The following NARS1 variants were observed in gnomAD, a reference collection of about 807,000 sequenced individuals.
The protein encoded by NARS1 is asparaginyl-tRNA synthetase 1, also known as asparagine--tRNA ligase, cytoplasmic.
In NARS1, 65 loss-of-function variants were observed where a neutral mutation model predicts 79.2. The ratio of observed to expected loss-of-function variants is 0.82; its 90% CI spans 0.67 to 1.01. The LOEUF is 1.01. NARS1 is among the 50% of genes least tolerant of loss of function. NARS1 has a pLI of 0.00. For missense variants in NARS1, 649 were observed against 673.8 expected (o/e 0.96, Z 0.41); for synonymous variants, 229 against 238.8 (o/e 0.96, Z 0.38).
At chr18:57,619,867 T>C (rs1908230248) in intron 2 of NARS1, among the ~76,000 whole-genome samples, 1 of 152,066 alleles carries the variant, frequency 6.6e-6, no homozygotes, top group Non-Finnish European at 1.5e-5. Flanking sequence ...TTTATGTTTT[T>C]TGTAGAGCCA....
intron 7 of NARS1, among the ~76,000 whole-genome samples, 177 bp downstream of exon 7, chr18:57,609,180 T>C (rs2051585066): frequency 1.3e-5 from 2 of 152,256 alleles, no homozygotes; most frequent in South Asian, 4.1e-4. Context: ...GGACTTCATC[T>C]TGTGATCTTG....
In NARS1 at chr18:57,615,689, T is replaced by G. The variant is rs1269377916; in HGVS notation, c.294A>C (p.Ala98=). The G allele has an allele frequency of 3.1e-6, 5 of 1,613,204 alleles. No homozygotes were observed. Among genetic ancestry groups the G allele is most frequent in the Non-Finnish European group, 4.2e-6 (5 of 1,179,742 alleles). ...GATCATTTTTAATGGTAATCTTCTT[T>G]GCTTCTTCCAGGTTCTTTTCTCTTC... ...SLRREKNLEE[A]KKITIKNDPS... is the part of the protein sequence containing the mutation. The change falls in exon 4 of 14, where the codon GCA becomes GCC. Residue 98 remains alanine (A), a synonymous_variant. Transcript: ENST00000256854.
intron 10 of NARS1, among the ~76,000 whole-genome samples, 179 bp from the exon 11 acceptor site, chr18:57,606,149 G>A (rs1265814863): frequency 6.6e-6 from 1 of 151,936 alleles, no homozygotes; most frequent in East Asian, 1.9e-4. Context: ...AGGAGTTTGG[G>A]ACCAGCCTGG....
Position 57,615,037 on chromosome 18 carries a change from C to T in NARS1, c.342+604G>A, listed in dbSNP as rs146722519. ...AAATTAAAAATAAATAAAAGTTAGCCAGGTGTGGTGGTGCATGCCTGTGGT... is the reference window on the plus strand; with the variant it reads ...AAATTAAAAATAAATAAAAGTTAGCTAGGTGTGGTGGTGCATGCCTGTGGT... On this transcript the variant is annotated intron_variant, in intron 4 of 13. Coordinates refer to ENST00000256854, the MANE Select transcript of NARS1 (RefSeq NM_004539.4). Among the ~76,000 whole-genome samples, 1,312 of 151,970 alleles carry T rather than the reference C, an allele frequency of 8.6e-3. 15 individuals carry two copies. The highest frequency in any genetic ancestry group is 0.03 in the African/African-American group (1,247 of 41,464).
intron 11 of NARS1, among the ~76,000 whole-genome samples, chr18:57,603,339 G>A (rs1020137447): frequency 2.6e-5 from 4 of 151,698 alleles, no homozygotes; most frequent in Non-Finnish European, 4.4e-5. Flanking sequence ...TAAGGCATAC[G>A]GTAATCATGA....
chr18:57,621,780 TC>T lies in NARS1; in HGVS notation c.-64del, dbSNP rs1908316482. ...TGCAACACCGACGCCGTCTTATGACTCCAACGTGCACCGGCGGTTTCCGCGA... is the reference window on the plus strand; with the variant it reads ...TGCAACACCGACGCCGTCTTATGACTCAACGTGCACCGGCGGTTTCCGCGA... On this transcript the variant is annotated 5_prime_UTR_variant, in exon 1 of 14. An upstream open reading frame in the 5' UTR loses its in-frame stop. Coordinates refer to ENST00000256854, the MANE Select transcript of NARS1 (RefSeq NM_004539.4). The T allele has an allele frequency of 6.2e-7, 1 of 1,612,272 alleles. No individual in the cohort carries two copies. Among genetic ancestry groups the T allele is most frequent in the Non-Finnish European group, 8.5e-7 (1 of 1,179,654 alleles).
chr18:57,615,705 T>C lies in NARS1; in HGVS notation c.278A>G (p.Lys93Arg). The change falls in exon 4 of 14, where the codon AAG becomes AGG. Residue 93 changes from lysine (K) to arginine (R), a missense_variant. Transcript: ENST00000256854. The stretch of plus-strand genomic sequence containing the variant: ...AATCTTCTTTGCTTCTTCCAGGTTC[T>C]TTTCTCTTCGTAAACTATCTTCTGC... Reference protein sequence around the residue: ...KEAEDSLRREKNLEEAKKITI... With the variant: ...KEAEDSLRRERNLEEAKKITI... 1 of 1,613,086 alleles carries C rather than the reference T, an allele frequency of 6.2e-7. No homozygotes were observed. Among genetic ancestry groups the C allele is most frequent in the Non-Finnish European group, 8.5e-7 (1 of 1,179,666 alleles).
chr18:57,612,129 C>T (rs1193509384), intron 5 of NARS1, among the ~76,000 whole-genome samples: 3 of 152,102 alleles, frequency 2.0e-5, no homozygotes, highest in Admixed American at 2.0e-4. Context: ...GGCTCCCTGC[C>T]CCTGAAGTAC....
chr18:57,603,688 T>C (rs971506328), intron 11 of NARS1, among the ~76,000 whole-genome samples: 3 of 152,166 alleles, frequency 2.0e-5, no homozygotes, highest in Non-Finnish European at 2.9e-5. Context: ...ACTCATAGAT[T>C]TGTTTAATGA....
At chr18:57,621,563 T>TTCCCCCCCCCCC in intron 1 of NARS1, 145 bp downstream of exon 1, 9 of 300,804 alleles carry the variant, frequency 3.0e-5, no homozygotes, top group Non-Finnish European at 5.4e-5. Flanking sequence ...GCCAGCACCC[T>TTCCCCCCCCCCC]CCCTCCCTCC....
Position 57,615,893 on chromosome 18 carries a change from G to A in NARS1, c.176C>T (p.Ser59Phe). ...TTTAATGTTCTTCAACTGTGATTTA[G>A]AAATAACATTCCACCTCTCATTTTC... The part of the protein sequence containing the change: ...QKENERWNVI[S>F]KSQLKNIKKM... Residue 59 changes from serine to phenylalanine, a missense_variant, in exon 3 of 14, where the codon TCT becomes TTT. Ser to Phe is a radical substitution (Grantham distance 155, BLOSUM62 -2). Transcript: ENST00000256854. The A allele has an allele frequency of 6.2e-7, 1 of 1,613,044 alleles. No individual in the cohort carries two copies. Among genetic ancestry groups the A allele is most frequent in the Non-Finnish European group, 8.5e-7 (1 of 1,179,434 alleles).
intron 4 of NARS1, among the ~76,000 whole-genome samples, chr18:57,615,318 C>T (rs1386094613): frequency 6.6e-6 from 1 of 152,054 alleles, no homozygotes. Flanking sequence ...CTGGCTAACA[C>T]GGTGAAACCC....
chr18:57,618,638 A>T (rs1908162379), intron 2 of NARS1, among the ~76,000 whole-genome samples: 1 of 152,204 alleles, frequency 6.6e-6, no homozygotes, highest in East Asian at 1.9e-4. Flanking sequence ...GTGGCGGCTC[A>T]CACCTGTAGC....
At chr18:57,605,804 G>A (rs2051550113) in intron 11 of NARS1, 53 bp downstream of exon 11, 2 of 1,200,842 alleles carry the variant, frequency 1.7e-6, no homozygotes, top group Admixed American at 2.1e-5. Context: ...ACCAGAAGAA[G>A]AGAATTGGAG....
chr18:57,610,238 G>A (rs1019880233), intron 6 of NARS1, among the ~76,000 whole-genome samples: 2 of 151,984 alleles, frequency 1.3e-5, no homozygotes, highest in African/African-American at 2.4e-5. Flanking sequence ...TTCGGAGGCC[G>A]AGGCGGGTGG....
chr18:57,611,575 A>T, intron 6 of NARS1, 62 bp downstream of exon 6: 1 of 1,127,208 alleles, frequency 8.9e-7, no homozygotes, highest in Non-Finnish European at 1.3e-6. Flanking sequence ...ATGTATACAA[A>T]ACAATAAAGG....
At chr18:57,619,521 A>G (rs2122461338) in intron 2 of NARS1, among the ~76,000 whole-genome samples, 1 of 152,144 alleles carries the variant, frequency 6.6e-6, no homozygotes, top group East Asian at 1.9e-4. Flanking sequence ...GTGAGGCACC[A>G]AAGCCCAGAC....
At chr18:57,614,433 G>T (rs1053945542) in intron 4 of NARS1, among the ~76,000 whole-genome samples, 5 of 152,006 alleles carry the variant, frequency 3.3e-5, no homozygotes, top group Non-Finnish European at 7.4e-5. Context: ...CCCGGGAGGC[G>T]GAGGTTGCAA....
At chr18:57,618,289 CAAAAAAAAA>C (rs34320460) in intron 2 of NARS1, among the ~76,000 whole-genome samples, 1 of 122,852 alleles carries the variant, frequency 8.1e-6, no homozygotes, top group African/African-American at 3.2e-5. Flanking sequence ...AACTCTGTCT[CAAAAAAAAA>C]AAAAAAAAGA....
Sources: gnomAD v4.1 joint callset for allele counts (sites outside exome capture counted in the v4.1 genomes callset) on GRCh38, gnomAD v4.1.1 for gene constraint, MANE v1.5 for transcripts, NCBI Gene and HGNC (gene_info 2026-07-23, HGNC 2026-07-21) for gene names.